Variants in ZC3H18 observed in about 807,000 individuals in gnomAD.
ZC3H18 encodes zinc finger CCCH domain-containing protein 18.
A neutral mutation model predicts 106.1 loss-of-function variants in ZC3H18; 8 were observed. The ratio of observed to expected loss-of-function variants is 0.08; its 90% CI spans 0.04 to 0.14. The LOEUF is 0.14. ZC3H18 is among the 10% of genes least tolerant of loss of function. ZC3H18 has a pLI of 1.00. For synonymous variants in ZC3H18, 635 were observed against 522.1 expected (o/e 1.22, Z -2.95); for missense variants, 1,318 against 1,278.4 (o/e 1.03, Z -0.47).
In ZC3H18 at chr16:88,624,678, CCCA is replaced by C; in HGVS notation, c.1979_1981del (p.Thr660del). 6.2e-7 allele frequency: 1 copy of C among 1,613,906 alleles called. No individual in the cohort carries two copies. The highest frequency in any genetic ancestry group is 1.3e-5 in the African/African-American group (1 of 75,046). On this transcript the variant is annotated inframe_deletion, in exon 12 of 18. Transcript: ENST00000301011. ...CAAAACCACTGCTCCTGTCCCCGAG[CCCA>C]CCAAGCCAGGAGACCCTCGGGAAGC... is the stretch of plus-strand genomic sequence containing the variant.
Position 88,625,483 on chromosome 16 carries a change from A to G in ZC3H18, c.2108+216A>G, listed in dbSNP as rs540884884. ...AGGAAGACCCCCTCCCCCCACCAAAAAAAGATTCACAAACTCGGGGGCACT... is the reference window on the plus strand; with the variant it reads ...AGGAAGACCCCCTCCCCCCACCAAAGAAAGATTCACAAACTCGGGGGCACT... On this transcript the variant is annotated intron_variant, in intron 13 of 17. Coordinates refer to ENST00000301011, the MANE Select transcript of ZC3H18 (RefSeq NM_144604.4). 30 of 598,136 alleles carry G rather than the reference A, an allele frequency of 5.0e-5. No individual in the cohort carries two copies. The South Asian group carries it at 6.0e-4, about 12-fold the overall frequency. 37.1% of individuals were successfully genotyped at this position (598,136 alleles called of 1,614,324 possible).
intron 2 of ZC3H18, among the ~76,000 whole-genome samples, chr16:88,580,939 G>C (rs1276506432): frequency 6.6e-6 from 1 of 152,162 alleles, no homozygotes; most frequent in Non-Finnish European, 1.5e-5. Flanking sequence ...TTCGCAAATG[G>C]ATGTTTCTGA....
At chr16:88,600,023 A>G in intron 6 of ZC3H18, 75 bp downstream of exon 6, 11 of 1,549,074 alleles carry the variant, frequency 7.1e-6, no homozygotes, top group Admixed American at 3.9e-5. Flanking sequence ...AGCCATGTGC[A>G]GGGCCCCAGG....
At chr16:88,580,323 G>T (rs971817660) in intron 2 of ZC3H18, among the ~76,000 whole-genome samples, 2 of 152,122 alleles carry the variant, frequency 1.3e-5, no homozygotes, top group African/African-American at 4.8e-5. Context: ...ATAGTGGGCA[G>T]CCAGTCAGTA....
At chr16:88,586,805 C>A in intron 3 of ZC3H18, 121 bp downstream of exon 3, 4 of 621,098 alleles carry the variant, frequency 6.4e-6, no homozygotes, top group Non-Finnish European at 1.2e-5. Flanking sequence ...GCATTACTGG[C>A]TAGGTGGTGG....
At position 88,627,651 on chromosome 16, in the gene ZC3H18, T is replaced by C; in HGVS notation, c.2138T>C (p.Val713Ala). 6.2e-7 allele frequency: 1 copy of C among 1,609,136 alleles called. No individual in the cohort carries two copies. Among genetic ancestry groups the C allele is most frequent in the East Asian group, 2.2e-5 (1 of 44,704 alleles). Reference sequence around the variant, plus strand: ...CTGAGCGTGAGCAGCGTCTCCTCAGTGTCCAGTGCTACGTCGAGCAGCAGC... The same window carrying C: ...CTGAGCGTGAGCAGCGTCTCCTCAGCGTCCAGTGCTACGTCGAGCAGCAGC... ...RSLSVSSVSSVSSATSSSSSA... is the reference protein window; with the variant it reads ...RSLSVSSVSSASSATSSSSSA... Residue 713 changes from valine to alanine, a missense_variant, in exon 14 of 18, where the codon GTG (valine) becomes GCG (alanine). This residue lies in a region of ZC3H18 where 848 missense variants were observed against 821.7 expected (regional missense o/e 1.03). Coordinates refer to ENST00000301011, the MANE Select transcript of ZC3H18 (RefSeq NM_144604.4). The surrounding 1 kb of genome is among the most constrained non-coding windows in gnomAD (Gnocchi z 4.5).
Position 88,599,798 on chromosome 16 carries a change from A to G in ZC3H18, c.938A>G (p.Lys313Arg). ...RGLRHAKEVL[K>R]KATIRKEQEP... ...TTCTTCTTACAATGGTAGGTTTTAA[A>G]AAAAGCAACTATTCGAAAAGAACAG... is the stretch of plus-strand genomic sequence containing the variant. The change falls in exon 6 of 18, where the codon AAA becomes AGA. Residue 313 changes from lysine to arginine, a missense_variant. Around this residue, in one of 6 missense-constraint regions of ZC3H18, gnomAD observed 848 missense variants for 821.7 expected, o/e 1.03. Transcript: ENST00000301011. 3 of 1,607,590 alleles carry G rather than the reference A, an allele frequency of 1.9e-6. No individual in the cohort carries two copies. Among genetic ancestry groups the G allele is most frequent in the Non-Finnish European group, 2.5e-6 (3 of 1,178,096 alleles).
intron 6 of ZC3H18, among the ~76,000 whole-genome samples, chr16:88,602,807 G>GC (rs1904815712): frequency 6.6e-6 from 1 of 152,178 alleles, no homozygotes; most frequent in African/African-American, 2.4e-5. Context: ...GCCACCTGAT[G>GC]TTGAGTTTTG....
At position 88,611,504 on chromosome 16, in the gene ZC3H18, G is replaced by A; in HGVS notation, c.1443G>A (p.Gly481=). 6.4e-7 allele frequency: 1 copy of A among 1,550,552 alleles called. No individual in the cohort carries two copies. The highest frequency in any genetic ancestry group is 8.7e-7 in the Non-Finnish European group (1 of 1,146,728). Reference sequence around the variant, plus strand: ...AGAAGGAGCGGGAGAAGGAGAAGGGGAAGCCCAAGCCCCGCTCCCCGCAGC... The same window carrying A: ...AGAAGGAGCGGGAGAAGGAGAAGGGAAAGCCCAAGCCCCGCTCCCCGCAGC... ...DREKEREKEK[G]KPKPRSPQPP... is the part of the protein sequence containing the mutation. Residue 481 remains glycine (G), a synonymous_variant, in exon 8 of 18, where the codon GGG becomes GGA. Transcript: ENST00000301011.
chr16:88,630,744 G>GCCCTACCC lies in ZC3H18; in HGVS notation c.2663+166_2663+167insTACCCCCC, dbSNP rs1257539077. ...TGAGGGGCATGGACAGCGAATTGCA[G>GCCCTACCC]CCCCACCCCCCACCCCCCCCCACAC... On this transcript the variant is annotated intron_variant, in intron 17 of 17. Coordinates refer to ENST00000301011, the MANE Select transcript of ZC3H18 (RefSeq NM_144604.4). Among the ~76,000 whole-genome samples, 107 of 76,480 alleles carry GCCCTACCC rather than the reference G, an allele frequency of 1.4e-3. 14 individuals are homozygous for GCCCTACCC. Among genetic ancestry groups the GCCCTACCC allele is most frequent in the Middle Eastern group, 6.5e-3 (1 of 154 alleles). 50.2% of individuals were successfully genotyped at this position (76,480 alleles called of 152,430 possible).
chr16:88,594,369 A>G (rs560378493), intron 3 of ZC3H18, among the ~76,000 whole-genome samples: 7 of 152,382 alleles, frequency 4.6e-5, no homozygotes, highest in African/African-American at 1.7e-4. Flanking sequence ...ATATAAACCA[A>G]GTAAACACAG....
intron 8 of ZC3H18, among the ~76,000 whole-genome samples, chr16:88,613,933 A>G (rs1316358583): frequency 6.6e-6 from 1 of 150,896 alleles, no homozygotes; most frequent in African/African-American, 2.4e-5. Context: ...CCTGTCTCAA[A>G]AAAAGGGGGG....
chr16:88,609,741 A>G (rs955651756), intron 7 of ZC3H18, among the ~76,000 whole-genome samples: 2 of 152,118 alleles, frequency 1.3e-5, no homozygotes, highest in Non-Finnish European at 2.9e-5. Context: ...CTGGGATTAC[A>G]GGTGCCCACC....
At chr16:88,598,830 CTG>C in intron 5 of ZC3H18, 118 bp downstream of exon 5, 1 of 874,832 alleles carries the variant, frequency 1.1e-6, no homozygotes, top group Non-Finnish European at 1.7e-6. Context: ...AGTTAGGCGT[CTG>C]TTTCTGTGGT....
At chr16:88,580,966 A>C (rs949376019) in intron 2 of ZC3H18, among the ~76,000 whole-genome samples, 1 of 152,174 alleles carries the variant, frequency 6.6e-6, no homozygotes, top group Admixed American at 6.5e-5. Flanking sequence ...ATAGCATTCC[A>C]GGTCCCAGCA....
At position 88,627,926 on chromosome 16, in the gene ZC3H18, C is replaced by T. The variant is rs1399164255; in HGVS notation, c.2276C>T (p.Ser759Phe). Residue 759 changes from serine to phenylalanine, a missense_variant, in exon 15 of 18, where the codon TCT becomes TTT. Ser to Phe is a radical substitution (Grantham distance 155). Transcript: ENST00000301011. The surrounding 1 kb of genome is among the most constrained non-coding windows in gnomAD (Gnocchi z 4.5). Reference sequence around the variant, plus strand: ...GCGGATTTATCATTGGTAGGAAAATCTAAGAAAGAAGACGGTGTTAAAGAG... The same window carrying T: ...GCGGATTTATCATTGGTAGGAAAATTTAAGAAAGAAGACGGTGTTAAAGAG... ...PAQTRKEKGKSKKEDGVKEEK... is the reference protein window; with the variant it reads ...PAQTRKEKGKFKKEDGVKEEK... 2 of 1,613,898 alleles carry T rather than the reference C, an allele frequency of 1.2e-6. No individual in the cohort carries two copies. The highest frequency in any genetic ancestry group is 1.7e-6 in the Non-Finnish European group (2 of 1,180,052).
chr16:88,574,815 A>T (rs1445206189), intron 1 of ZC3H18, among the ~76,000 whole-genome samples: 1 of 139,134 alleles, frequency 7.2e-6, no homozygotes, highest in Non-Finnish European at 1.6e-5. Flanking sequence ...CACCTGACCA[A>T]TTTGTTCTAA....
chr16:88,577,799 G>A (rs966398928), intron 2 of ZC3H18, 73 bp downstream of exon 2: 25 of 1,607,396 alleles, frequency 1.6e-5, no homozygotes, highest in Non-Finnish European at 2.1e-5. Context: ...CTGGAAAGGA[G>A]GGACTCTGTG....
At chr16:88,611,048 G>A (rs1905244170) in intron 7 of ZC3H18, among the ~76,000 whole-genome samples, 1 of 152,196 alleles carries the variant, frequency 6.6e-6, no homozygotes, top group South Asian at 2.1e-4. Context: ...CCACTTGAGG[G>A]TGCTCCCTGA....
Sources: gnomAD v4.1 joint callset for allele counts (sites outside exome capture counted in the v4.1 genomes callset) on GRCh38, gnomAD v4.1.1 for gene constraint, gnomAD v4.1.1 regional missense constraint, Gnocchi (gnomAD v3.1) non-coding constraint, MANE v1.5 for transcripts, NCBI Gene and HGNC (gene_info 2026-07-23, HGNC 2026-07-21) for gene names.